FILIP1L: variants seen among roughly 807,000 people sequenced by gnomAD.
FILIP1L encodes the protein filamin A-interacting protein 1-like.
FILIP1L carries 55 observed loss-of-function variants against 96.6 expected under a neutral mutation model. The ratio of observed to expected loss-of-function variants is 0.57; its 90% CI spans 0.46 to 0.71. The LOEUF (loss-of-function observed/expected upper bound fraction) is 0.71. Among genes scored for constraint, FILIP1L ranks in the 30% least tolerant of loss-of-function variants. The probability of loss-of-function intolerance (pLI) is 0.00; values close to 1 mark genes in which losing one functional copy is unlikely to be tolerated. For synonymous variants in FILIP1L, 467 were observed against 473.9 expected (o/e 0.99, Z 0.19); for missense variants, 1,304 against 1,321.2 (o/e 0.99, Z 0.20).
At chr3:100,020,567 A>G (rs963809796) in intron 1 of FILIP1L, among the ~76,000 whole-genome samples, 3 of 152,188 alleles carry the variant, frequency 2.0e-5, no homozygotes, top group Admixed American at 6.5e-5. Flanking sequence ...CAATTGGGTT[A>G]TATCTTTTGC....
intron 1 of FILIP1L, among the ~76,000 whole-genome samples, chr3:100,059,737 T>A (rs1272369738): frequency 6.6e-6 from 1 of 152,212 alleles, no homozygotes; most frequent in Non-Finnish European, 1.5e-5. Context: ...ACCATCCATA[T>A]GTGCCGGCCT....
chr3:99,937,335 G>A (rs553406014), intron 1 of FILIP1L, among the ~76,000 whole-genome samples: 6 of 152,206 alleles, frequency 3.9e-5, no homozygotes, highest in East Asian at 1.9e-4. Context: ...CAAACCCCTA[G>A]CCTTTGAGTC....
intron 4 of FILIP1L, among the ~76,000 whole-genome samples, chr3:99,900,281 A>G (rs548028092): frequency 1.3e-5 from 2 of 152,344 alleles, no homozygotes; most frequent in South Asian, 4.1e-4. Context: ...GGTGCAAAAA[A>G]CAAAGATGGT....
chr3:100,108,857 T>C (rs1405598860), intron 1 of FILIP1L, among the ~76,000 whole-genome samples: 1 of 152,190 alleles, frequency 6.6e-6, no homozygotes, highest in Non-Finnish European at 1.5e-5. Flanking sequence ...AGGCTTGCTA[T>C]GTCTATCTGA....
At chr3:99,852,380 T>C (rs1013927706) in intron 4 of FILIP1L, among the ~76,000 whole-genome samples, 3 of 152,230 alleles carry the variant, frequency 2.0e-5, no homozygotes, top group African/African-American at 7.2e-5. Flanking sequence ...TGCATGTCTA[T>C]CATCCTTATC....
chr3:99,949,183 T>G (rs1708103808), intron 1 of FILIP1L, among the ~76,000 whole-genome samples: 1 of 152,286 alleles, frequency 6.6e-6, no homozygotes, highest in Middle Eastern at 3.4e-3. Flanking sequence ...TTGTTAAGAT[T>G]ATAACTAAAG....
At chr3:99,856,263 GTGT>G (rs1943961001) in intron 4 of FILIP1L, among the ~76,000 whole-genome samples, 1 of 152,238 alleles carries the variant, frequency 6.6e-6, no homozygotes, top group Non-Finnish European at 1.5e-5. Flanking sequence ...TGTTTTGAAA[GTGT>G]TGTTGGAAAA....
intron 1 of FILIP1L, among the ~76,000 whole-genome samples, chr3:99,947,263 T>C (rs909676602): frequency 6.6e-6 from 1 of 152,164 alleles, no homozygotes; most frequent in African/African-American, 2.4e-5. Flanking sequence ...ACCTTTTGTA[T>C]AGTTTCCCAT....
At chr3:99,889,805 C>CA (rs1464479372) in intron 4 of FILIP1L, among the ~76,000 whole-genome samples, 1 of 151,816 alleles carries the variant, frequency 6.6e-6, no homozygotes, top group Non-Finnish European at 1.5e-5. Context: ...AATCCTCCTC[C>CA]AAAAAAATCT....
chr3:100,030,569 G>A (rs1273919060), intron 1 of FILIP1L, among the ~76,000 whole-genome samples: 1 of 152,098 alleles, frequency 6.6e-6, no homozygotes, highest in Non-Finnish European at 1.5e-5. Context: ...TTCCAAAGTT[G>A]CTTAGTAATG....
At chr3:100,044,736 T>C (rs557345033) in intron 1 of FILIP1L, among the ~76,000 whole-genome samples, 2 of 152,294 alleles carry the variant, frequency 1.3e-5, no homozygotes, top group Non-Finnish European at 2.9e-5. Flanking sequence ...ACTCTGATTA[T>C]TGTACCTCAT....
chr3:99,887,780 G>A (rs1705956092), intron 4 of FILIP1L, among the ~76,000 whole-genome samples: 1 of 152,134 alleles, frequency 6.6e-6, no homozygotes, highest in East Asian at 1.9e-4. Flanking sequence ...TGTCACCCAG[G>A]CTGGAGTGCA....
chr3:100,044,195 C>T (rs1250152498), intron 1 of FILIP1L, among the ~76,000 whole-genome samples: 2 of 152,156 alleles, frequency 1.3e-5, no homozygotes, highest in African/African-American at 4.8e-5. Flanking sequence ...ATTCATTTAA[C>T]AAATTTTGAT....
At chr3:99,852,467 A>G (rs1330338476) in intron 4 of FILIP1L, among the ~76,000 whole-genome samples, 4 of 151,924 alleles carry the variant, frequency 2.6e-5, no homozygotes, top group Non-Finnish European at 4.4e-5. Context: ...TATTTTTTGA[A>G]ATTGAGTCTC....
At chr3:100,083,079 G>A (rs563655162) in intron 1 of FILIP1L, among the ~76,000 whole-genome samples, 5 of 152,192 alleles carry the variant, frequency 3.3e-5, no homozygotes, top group Admixed American at 1.3e-4. Context: ...CAATTTCCAG[G>A]TCTAAATAAA....
intron 1 of FILIP1L, among the ~76,000 whole-genome samples, chr3:100,067,748 C>G (rs2065691168): frequency 6.6e-6 from 1 of 151,738 alleles, no homozygotes; most frequent in Non-Finnish European, 1.5e-5. Context: ...AAATATATAC[C>G]ACACTACTTT....
intron 1 of FILIP1L, among the ~76,000 whole-genome samples, chr3:100,037,681 A>G (rs544385881): frequency 1.3e-5 from 2 of 152,288 alleles, no homozygotes; most frequent in African/African-American, 4.8e-5. Flanking sequence ...GCACACCTAC[A>G]TTTGTTTTAG....
intron 3 of FILIP1L, among the ~76,000 whole-genome samples, chr3:99,927,901 G>C (rs1489054964): frequency 6.6e-6 from 1 of 152,050 alleles, no homozygotes; most frequent in African/African-American, 2.4e-5. Context: ...TCTTAAGTCA[G>C]TGTTCCTGTC....
rs397990626 is a variant in FILIP1L, at chr3:99,983,389, AATATATAT to A, written c.-10-52367_-10-52360del. Among the ~76,000 whole-genome samples, 6 of 40,788 alleles carry A rather than the reference AATATATAT, an allele frequency of 1.5e-4. 1 individual carries two copies. Among genetic ancestry groups the A allele is most frequent in the African/African-American group, 4.1e-4 (4 of 9,784 alleles). The allele number at this position is 40,788 out of a possible 152,430, so 26.8% of individuals were successfully genotyped here. A position where few individuals can be genotyped will look rare whatever the true frequency, so the allele number is the denominator to read the frequency against. On this transcript the variant is annotated intron_variant, in intron 1 of 5. Transcript: ENST00000477258. ...TCTCTACTTAAAAAATAAATAAATAAATATATATATATATATATATATATATATATGTA... is the reference window on the plus strand; with the variant it reads ...TCTCTACTTAAAAAATAAATAAATAAATATATATATATATATATATATGTA...
Sources: gnomAD v4.1 joint callset for allele counts (sites outside exome capture counted in the v4.1 genomes callset) on GRCh38, gnomAD v4.1.1 for gene constraint, MANE v1.5 for transcripts, NCBI Gene and HGNC (gene_info 2026-07-23, HGNC 2026-07-21) for gene names.